The following LIPI variants were observed in gnomAD, a reference collection of about 807,000 sequenced individuals.
The protein encoded by LIPI is lipase member I.
In LIPI, 59 loss-of-function variants were observed where a neutral mutation model predicts 50.6. The ratio of observed to expected loss-of-function variants is 1.16; its 90% CI spans 0.94 to 1.45. The LOEUF (loss-of-function observed/expected upper bound fraction) is 1.45, where lower values mean the gene tolerates loss of function less well. LIPI is among the 40% of genes most tolerant of loss of function. LIPI has a pLI of 0.00. For synonymous variants in LIPI, 203 were observed against 178.2 expected, an observed-to-expected ratio of 1.14 and a Z score of -1.11; for missense variants, 586 against 536.3, an observed-to-expected ratio of 1.09 and a Z score of -0.92.
At chr21:14,181,052 T>C (rs968504663) in intron 4 of LIPI, among the ~76,000 whole-genome samples, 1 of 152,176 alleles carries the variant, frequency 6.6e-6, no homozygotes, top group Non-Finnish European at 1.5e-5. Flanking sequence ...TTTCCTCAAC[T>C]GTAAAGGGAA....
chr21:14,201,050 T>A (rs2020035116), intron 1 of LIPI, among the ~76,000 whole-genome samples: 1 of 152,120 alleles, frequency 6.6e-6, no homozygotes, highest in African/African-American at 2.4e-5. Context: ...GATAACTGAC[T>A]AGCCATATGA....
At chr21:14,143,646 C>T (rs2017794546) in intron 9 of LIPI, 1 of 152,082 alleles carries the variant, frequency 6.6e-6, no homozygotes, top group Admixed American at 6.6e-5. Context: ...CCTACACAAC[C>T]ATTTCTATAG....
chr21:14,159,027 T>C lies in LIPI; in HGVS notation c.1006+4392A>G, dbSNP rs1471580038. Among the ~76,000 whole-genome samples the C allele has an allele frequency of 4.6e-5, 7 of 151,636 alleles. No individual in the cohort carries two copies. The East Asian group carries it at 1.2e-3, about 25-fold the overall frequency. On this transcript the variant is annotated intron_variant, in intron 7 of 9. Transcript: ENST00000681601. Reference sequence around the variant, plus strand: ...TCCCAAAAAAGTCTCCAGACCCAAATGGTTTCACTGGAAAATTCTGCCAAA... The same window carrying C: ...TCCCAAAAAAGTCTCCAGACCCAAACGGTTTCACTGGAAAATTCTGCCAAA...
chr21:14,152,368 G>A (rs2018125411), intron 8 of LIPI, among the ~76,000 whole-genome samples: 1 of 152,098 alleles, frequency 6.6e-6, no homozygotes, highest in African/African-American at 2.4e-5. Flanking sequence ...GTTGTTTAGA[G>A]TAAGGGTGCC....
At chr21:14,166,062 A>T (rs1318546735) in intron 5 of LIPI, among the ~76,000 whole-genome samples, 1 of 152,194 alleles carries the variant, frequency 6.6e-6, no homozygotes, top group East Asian at 1.9e-4. Context: ...ATTATATGAT[A>T]CTTGAGCTAC....
chr21:14,167,891 A>G (rs1038395128), intron 4 of LIPI, among the ~76,000 whole-genome samples: 17 of 152,232 alleles, frequency 1.1e-4, no homozygotes, highest in African/African-American at 3.9e-4. Flanking sequence ...CTGAGAGAAG[A>G]AGGCTTCAGA....
intron 4 of LIPI, among the ~76,000 whole-genome samples, chr21:14,176,190 A>G (rs1042871850): frequency 6.6e-6 from 1 of 151,478 alleles, no homozygotes; most frequent in East Asian, 1.9e-4. Context: ...AAAAAAAAAA[A>G]AGAAGGCAAA....
chr21:14,127,787 A>G (rs2017125007), intron 9 of LIPI, among the ~76,000 whole-genome samples: 1 of 152,164 alleles, frequency 6.6e-6, no homozygotes, highest in Non-Finnish European at 1.5e-5. Context: ...TGTAAATATC[A>G]TAACCTGAGA....
intron 1 of LIPI, among the ~76,000 whole-genome samples, chr21:14,203,387 A>G (rs1432388556): frequency 6.6e-6 from 1 of 152,138 alleles, no homozygotes; most frequent in African/African-American, 2.4e-5. Flanking sequence ...ATACACACTT[A>G]CGTTTATTGC....
At chr21:14,184,530 A>T (rs2019387716) in intron 3 of LIPI, among the ~76,000 whole-genome samples, 1 of 152,154 alleles carries the variant, frequency 6.6e-6, no homozygotes, top group South Asian at 2.1e-4. Flanking sequence ...CTAGAAAAAA[A>T]GTAAAATATA....
intron 2 of LIPI, among the ~76,000 whole-genome samples, chr21:14,187,734 G>A (rs146166074): frequency 7.1e-4 from 108 of 151,352 alleles, no homozygotes; most frequent in African/African-American, 2.5e-3. Context: ...AAATTTGGGG[G>A]TGTAAAAATA....
intron 9 of LIPI, among the ~76,000 whole-genome samples, chr21:14,115,104 C>G (rs776017546): frequency 2.0e-4 from 31 of 152,040 alleles, no homozygotes; most frequent in Admixed American, 1.6e-3. Flanking sequence ...AACCTCCGCA[C>G]CCCGCTCCCC....
At chr21:14,174,531 T>G (rs544862091) in intron 4 of LIPI, among the ~76,000 whole-genome samples, 239 of 151,228 alleles carry the variant, frequency 1.6e-3, no homozygotes, top group African/African-American at 5.7e-3. Flanking sequence ...TTAAATAAAA[T>G]CATCTGTTGT....
At chr21:14,203,850 T>TAA (rs376388419) in intron 1 of LIPI, among the ~76,000 whole-genome samples, 76,355 of 149,884 alleles carry the variant, frequency 0.51, 19,638 homozygotes, top group Non-Finnish European at 0.55. Context: ...TAAAATATAA[T>TAA]AAAAAGAGAA....
chr21:14,133,087 C>T lies in LIPI; in HGVS notation c.1295+11536G>A, dbSNP rs531186887. On this transcript the variant is annotated intron_variant, in intron 9 of 9. Coordinates refer to ENST00000681601, the MANE Select transcript of LIPI (RefSeq NM_001302998.2). Reference sequence around the variant, plus strand: ...CAAATTCTACCAAACACACAAGAAACTAATACATATCCTCATGAAACAACT... The same window carrying T: ...CAAATTCTACCAAACACACAAGAAATTAATACATATCCTCATGAAACAACT... Among the ~76,000 whole-genome samples, 4 of 152,232 alleles carry T rather than the reference C, an allele frequency of 2.6e-5. No individual in the cohort carries two copies. In the East Asian group the frequency reaches 7.7e-4, roughly 29 times the overall value.
chr21:14,151,351 T>C (rs1313183759), intron 8 of LIPI, among the ~76,000 whole-genome samples: 3 of 152,236 alleles, frequency 2.0e-5, no homozygotes, highest in Admixed American at 1.3e-4. Context: ...GATGTCACTA[T>C]GTACTCAGGT....
intron 7 of LIPI, among the ~76,000 whole-genome samples, chr21:14,158,173 A>T (rs544126892): frequency 6.6e-6 from 1 of 151,954 alleles, no homozygotes; most frequent in African/African-American, 2.4e-5. Context: ...GCCAGTACAC[A>T]TGAAGCATGA....
intron 4 of LIPI, among the ~76,000 whole-genome samples, chr21:14,173,981 A>G (rs1481285351): frequency 6.6e-6 from 1 of 152,182 alleles, no homozygotes; most frequent in Non-Finnish European, 1.5e-5. Flanking sequence ...CATGCTTCCT[A>G]AATAAGACCA....
chr21:14,203,769 G>A (rs2123344422), intron 1 of LIPI, among the ~76,000 whole-genome samples: 1 of 151,978 alleles, frequency 6.6e-6, no homozygotes, highest in East Asian at 2.0e-4. Flanking sequence ...GTTAATGGGT[G>A]CAGCACACCA....
Sources: gnomAD v4.1 joint callset for allele counts (sites outside exome capture counted in the v4.1 genomes callset) on GRCh38, gnomAD v4.1.1 for gene constraint, MANE v1.5 for transcripts, NCBI Gene and HGNC (gene_info 2026-07-23, HGNC 2026-07-21) for gene names.